Variants in RBFOX3 observed in about 807,000 individuals in gnomAD.
RBFOX3 encodes the protein RNA binding fox-1 homolog 3, also known as RNA binding protein fox-1 homolog 3.
Under a neutral mutation model 48.7 loss-of-function variants are expected in RBFOX3, and 17 were observed. The ratio of observed to expected loss-of-function variants is 0.35; its 90% CI spans 0.24 to 0.52. RBFOX3 has a LOEUF of 0.52. RBFOX3 is among the 20% of genes least tolerant of loss of function. The pLI is 0.94. For missense variants in RBFOX3, 382 were observed against 497.5 expected (o/e 0.77, Z 2.21); for synonymous variants, 212 against 209.5 (o/e 1.01, Z -0.10).
chr17:79,620,262 CACGTGCACACAT>C, the RBFOX3 span, among the ~76,000 whole-genome samples: 1 of 151,458 alleles, frequency 6.6e-6, no homozygotes, highest in African/African-American at 2.4e-5. Flanking sequence ...CATGCACACA[CACGTGCACACAT>C]ACGCATATGC....
At chr17:79,581,676 G>C (rs916588128) in intron 1 of RBFOX3, among the ~76,000 whole-genome samples, 24 of 152,282 alleles carry the variant, frequency 1.6e-4, no homozygotes, top group African/African-American at 4.6e-4. Context: ...AGGAAGAGAA[G>C]AGAGCTGTAC....
In RBFOX3 at chr17:79,116,050, A is replaced by T. The variant is rs577408385; in HGVS notation, c.-33-302T>A. On this transcript the variant is annotated intron_variant, in intron 4 of 14. Transcript: ENST00000693108. ...GGGTTTTTGTAAACTACCTGATTTT[A>T]AAAAAATTAACCATTTTAAGGTAAC... is the stretch of plus-strand genomic sequence containing the variant. Among the ~76,000 whole-genome samples, 6 of 152,302 alleles carry T rather than the reference A, an allele frequency of 3.9e-5. No homozygotes were observed. The South Asian group carries it at 1.0e-3, about 26-fold the overall frequency.
At chr17:79,425,205 G>A (rs553495015) in intron 2 of RBFOX3, among the ~76,000 whole-genome samples, 1 of 152,214 alleles carries the variant, frequency 6.6e-6, no homozygotes, top group South Asian at 2.1e-4. Flanking sequence ...ACCGCACCCT[G>A]CAAACCCCCC....
intron 2 of RBFOX3, among the ~76,000 whole-genome samples, chr17:79,457,706 T>C (rs1483745848): frequency 6.6e-6 from 1 of 152,118 alleles, no homozygotes; most frequent in East Asian, 1.9e-4. Context: ...CCTGGGGCTG[T>C]CCCCGCGATG....
At chr17:79,444,322 C>A (rs185683578) in intron 2 of RBFOX3, among the ~76,000 whole-genome samples, 29 of 152,188 alleles carry the variant, frequency 1.9e-4, no homozygotes, top group African/African-American at 5.8e-4. Context: ...ATGGCCTGTG[C>A]GTCTGGCTCA....
chr17:79,191,270 G>C (rs1213860970), intron 4 of RBFOX3, among the ~76,000 whole-genome samples: 1 of 152,198 alleles, frequency 6.6e-6, no homozygotes, highest in Admixed American at 6.5e-5. Flanking sequence ...AGGGAATGGT[G>C]GCCCGGGGGT....
intron 1 of RBFOX3, among the ~76,000 whole-genome samples, chr17:79,592,685 A>G (rs9709227): frequency 0.27 from 40,722 of 151,938 alleles, 5,621 homozygotes; most frequent in Middle Eastern, 0.34. Flanking sequence ...CGGGCTCAGG[A>G]CACCAGGACT....
intron 14 of RBFOX3, 166 bp downstream of exon 14, chr17:79,094,285 G>A (rs1385050728): frequency 9.9e-6 from 5 of 506,860 alleles, no homozygotes; most frequent in East Asian, 3.5e-5. Flanking sequence ...AGGGCGTGAG[G>A]GGCCAGCCCT....
chr17:79,097,575 G>T (rs2075598969), intron 10 of RBFOX3, 117 bp downstream of exon 10: 2 of 1,419,438 alleles, frequency 1.4e-6, no homozygotes, highest in Non-Finnish European at 1.9e-6. Flanking sequence ...CACGGCGACG[G>T]GAGGGCGGGG....
intron 3 of RBFOX3, among the ~76,000 whole-genome samples, chr17:79,285,673 C>T (rs1358445855): frequency 6.6e-6 from 1 of 150,388 alleles, no homozygotes; most frequent in Non-Finnish European, 1.5e-5. Flanking sequence ...CATTTTCATG[C>T]ATTGGTTTTT....
chr17:79,390,452 G>A lies in RBFOX3; in HGVS notation c.-174-82628C>T, dbSNP rs79087642. ...AAAATGCACTCAGAGTCCAACCGGC[G>A]TGGAAATACAGTCTTTGCGCCACTG... On this transcript the variant is annotated intron_variant, in intron 2 of 14. Coordinates refer to ENST00000693108, the MANE Select transcript of RBFOX3 (RefSeq NM_001350451.2). The surrounding 1 kb of genome is among the most constrained non-coding windows in gnomAD (Gnocchi z 4.2). Among the ~76,000 whole-genome samples the A allele has an allele frequency of 0.1, 15,310 of 151,146 alleles. 913 individuals carry two copies. Among genetic ancestry groups the A allele is most frequent in the East Asian group, 0.18 (921 of 5,098 alleles).
upstream of RBFOX3, among the ~76,000 whole-genome samples, chr17:79,612,078 T>C (rs1489350530): frequency 6.6e-6 from 1 of 152,084 alleles, no homozygotes; most frequent in Admixed American, 6.5e-5. Context: ...GATCTATTGC[T>C]GGGGTCAGCC....
chr17:79,365,814 G>T (rs1038824601), intron 2 of RBFOX3, among the ~76,000 whole-genome samples: 1 of 152,256 alleles, frequency 6.6e-6, no homozygotes, highest in Non-Finnish European at 1.5e-5. Context: ...ACCTGGCAGG[G>T]TCAAGGGGCT....
intron 2 of RBFOX3, among the ~76,000 whole-genome samples, chr17:79,430,649 A>T (rs936222713): frequency 6.6e-6 from 1 of 152,180 alleles, no homozygotes; most frequent in Admixed American, 6.5e-5. Flanking sequence ...GGTTCAAGCG[A>T]TTCTCCTGCC....
Position 79,115,659 on chromosome 17 carries a change from A to G in RBFOX3, c.57T>C (p.Pro19=). The change falls in exon 5 of 15, where the codon CCT becomes CCC. Residue 19 remains proline, a synonymous_variant. Transcript: ENST00000693108. Reference sequence around the variant, plus strand: ...GCGGTGGGGGCGGGGCGTACTCGGCAGGGATGCCGTTCTGTGGCGGAGGGG... The same window carrying G: ...GCGGTGGGGGCGGGGCGTACTCGGCGGGGATGCCGTTCTGTGGCGGAGGGG... ...QYPPPPQNGI[P]AEYAPPPPHP... 1 of 940,968 alleles carries G rather than the reference A, an allele frequency of 1.1e-6. No individual in the cohort carries two copies. Among genetic ancestry groups the G allele is most frequent in the Non-Finnish European group, 1.3e-6 (1 of 759,818 alleles). 58.3% of individuals were successfully genotyped at this position (940,968 alleles called of 1,614,324 possible).
chr17:79,459,782 G>C (rs1333152766), intron 2 of RBFOX3, among the ~76,000 whole-genome samples: 1 of 152,154 alleles, frequency 6.6e-6, no homozygotes, highest in Non-Finnish European at 1.5e-5. Flanking sequence ...TAAGAGTGAG[G>C]GGTATGGGAT....
At chr17:79,149,948 CA>C (rs1342784416) in intron 4 of RBFOX3, among the ~76,000 whole-genome samples, 4 of 102,412 alleles carry the variant, frequency 3.9e-5, no homozygotes, top group African/African-American at 1.4e-4. Flanking sequence ...GGCTAAGTGC[CA>C]GGGTGGGGAT....
At position 79,339,139 on chromosome 17, in the gene RBFOX3, C is replaced by T. The variant is rs112253013; in HGVS notation, c.-174-31315G>A. On this transcript the variant is annotated intron_variant, in intron 2 of 14. Coordinates refer to ENST00000693108, the MANE Select transcript of RBFOX3 (RefSeq NM_001350451.2). ...ATGCAATCATACCTCACTGCCACCT[C>T]GATCTTCCAGGCTCAAGCAATCCTC... Among the ~76,000 whole-genome samples the T allele has an allele frequency of 4.3e-4, 65 of 152,116 alleles. 1 individual carries two copies. Among genetic ancestry groups the T allele is most frequent in the African/African-American group, 1.4e-3 (60 of 41,474 alleles).
the RBFOX3 span, among the ~76,000 whole-genome samples, chr17:79,652,955 G>A: frequency 6.6e-6 from 1 of 151,914 alleles, no homozygotes; most frequent in African/African-American, 2.4e-5. Context: ...AAGAAAATGG[G>A]GCCATATAAT....
Sources: gnomAD v4.1 joint callset for allele counts (sites outside exome capture counted in the v4.1 genomes callset) on GRCh38, gnomAD v4.1.1 for gene constraint, Gnocchi (gnomAD v3.1) non-coding constraint, MANE v1.5 for transcripts, NCBI Gene and HGNC (gene_info 2026-07-23, HGNC 2026-07-21) for gene names.